The following CPHXL2 variants were observed in gnomAD, a reference collection of about 807,000 sequenced individuals.
CPHXL2 encodes the protein cytoplasmic polyadenylated homeobox like 2, also known as cytoplasmic polyadenylated homeobox-like protein 2.
chr16:75,668,614 T>C, the CPHXL2 span, among the ~76,000 whole-genome samples: 1 of 152,212 alleles, frequency 6.6e-6, no homozygotes, highest in African/African-American at 2.4e-5. Context: ...GTCCTTTACA[T>C]AAAACTGTGT....
chr16:75,667,189 G>A, the CPHXL2 span, among the ~76,000 whole-genome samples: 4 of 151,790 alleles, frequency 2.6e-5, no homozygotes, highest in African/African-American at 9.7e-5. Flanking sequence ...GCGTGTGCCT[G>A]TAGTCACAGT....
At chr16:75,663,043 G>A in the CPHXL2 span, among the ~76,000 whole-genome samples, 5 of 152,056 alleles carry the variant, frequency 3.3e-5, no homozygotes, top group African/African-American at 7.2e-5. Flanking sequence ...CTCATGATCC[G>A]CCCGCCTCGG....
chr16:75,667,060 C>G, the CPHXL2 span, among the ~76,000 whole-genome samples: 2 of 151,796 alleles, frequency 1.3e-5, no homozygotes, highest in Non-Finnish European at 2.9e-5. Flanking sequence ...ACCTGTAATC[C>G]CAGCACTTTG....
At chr16:75,673,529 T>A in the CPHXL2 span, among the ~76,000 whole-genome samples, 1 of 151,966 alleles carries the variant, frequency 6.6e-6, no homozygotes, top group African/African-American at 2.4e-5. Context: ...ATTTCCTAGG[T>A]CTGTCTACCT....
chr16:75,671,996 G>T, the CPHXL2 span, among the ~76,000 whole-genome samples: 19 of 151,994 alleles, frequency 1.3e-4, no homozygotes, highest in Non-Finnish European at 2.9e-5. Flanking sequence ...AATCTAACGG[G>T]TGCGATGGCT....
the CPHXL2 span, among the ~76,000 whole-genome samples, chr16:75,668,229 A>ACT: frequency 4.5e-5 from 4 of 88,462 alleles, no homozygotes; most frequent in African/African-American, 5.5e-4. Flanking sequence ...ATATACATAT[A>ACT]TATTTTTTTT....
the CPHXL2 span, among the ~76,000 whole-genome samples, chr16:75,664,184 G>C: frequency 0.43 from 64,757 of 152,106 alleles, 17,544 homozygotes; most frequent in East Asian, 0.85. Context: ...CCTTATGTCT[G>C]CCTAAAATGT....
the CPHXL2 span, chr16:75,669,395 T>A: frequency 2.5e-6 from 1 of 400,786 alleles, no homozygotes; most frequent in Non-Finnish European, 4.4e-6. Context: ...TCAAATTTGT[T>A]GGCCAGTGTT....
the CPHXL2 span, among the ~76,000 whole-genome samples, chr16:75,668,780 G>C: frequency 6.6e-6 from 1 of 152,084 alleles, no homozygotes; most frequent in Non-Finnish European, 1.5e-5. Flanking sequence ...TTGTGCAGTG[G>C]TGGGATGAAG....
At chr16:75,668,648 T>TG in the CPHXL2 span, among the ~76,000 whole-genome samples, 1 of 152,248 alleles carries the variant, frequency 6.6e-6, no homozygotes, top group East Asian at 1.9e-4. Context: ...ATGCTGGGCA[T>TG]GTCCTCTCAT....
chr16:75,670,349 C>T, the CPHXL2 span, among the ~76,000 whole-genome samples: 1 of 152,132 alleles, frequency 6.6e-6, no homozygotes, highest in Non-Finnish European at 1.5e-5. Context: ...GAATCGGAGC[C>T]TGAAAGGGAG....
chr16:75,665,402 A>G, the CPHXL2 span, among the ~76,000 whole-genome samples: 5 of 152,234 alleles, frequency 3.3e-5, no homozygotes, highest in Admixed American at 6.5e-5. Context: ...ATAAATGAAG[A>G]AAAGATATAG....
At chr16:75,666,658 A>G in the CPHXL2 span, among the ~76,000 whole-genome samples, 1 of 151,610 alleles carries the variant, frequency 6.6e-6, no homozygotes, top group Non-Finnish European at 1.5e-5. Context: ...CTTCACTGAC[A>G]GCGCTAGACA....
the CPHXL2 span, chr16:75,676,961 T>A: frequency 2.5e-6 from 1 of 398,398 alleles, no homozygotes; most frequent in African/African-American, 2.1e-5. Context: ...ACAAAACACA[T>A]TGAGTTCTCT....
the CPHXL2 span, among the ~76,000 whole-genome samples, chr16:75,671,357 G>A: frequency 2.4e-5 from 2 of 85,030 alleles, no homozygotes; most frequent in Admixed American, 2.7e-4. Flanking sequence ...GTAAGACTCT[G>A]TATCAAAAAA....
the CPHXL2 span, among the ~76,000 whole-genome samples, chr16:75,674,203 C>A: frequency 5.3e-5 from 8 of 150,862 alleles, no homozygotes; most frequent in African/African-American, 1.7e-4. Context: ...GAAACCCCAT[C>A]TCTACTAAAA....
the CPHXL2 span, among the ~76,000 whole-genome samples, chr16:75,670,586 G>T: frequency 1.3e-5 from 2 of 152,122 alleles, no homozygotes; most frequent in African/African-American, 4.8e-5. Context: ...TCTATTTACT[G>T]CAACGTCCAC....
the CPHXL2 span, among the ~76,000 whole-genome samples, chr16:75,667,233 A>T: frequency 6.7e-6 from 1 of 148,628 alleles, no homozygotes; most frequent in Non-Finnish European, 1.5e-5. Flanking sequence ...AATTGCTTGA[A>T]CCCGGGAGGT....
the CPHXL2 span, among the ~76,000 whole-genome samples, chr16:75,662,245 T>C: frequency 6.6e-6 from 1 of 151,280 alleles, no homozygotes; most frequent in Non-Finnish European, 1.5e-5. Flanking sequence ...ATGCCCTGCC[T>C]GGACAAGCCA....
Sources: allele counts gnomAD v4.1 joint callset (sites outside exome capture counted in the v4.1 genomes callset), GRCh38; gene constraint gnomAD v4.1.1; transcripts MANE v1.5; gene names NCBI Gene and HGNC (gene_info 2026-07-23, HGNC 2026-07-21).